The following ANPEP variants were observed in gnomAD, a reference collection of about 807,000 sequenced individuals.
ANPEP encodes alanyl aminopeptidase, membrane.
A neutral mutation model predicts 114.6 loss-of-function variants in ANPEP; 70 were observed. That is an observed-to-expected ratio of 0.61 (90% CI 0.50 to 0.75). The LOEUF is 0.75. Among genes scored for constraint, ANPEP ranks in the 30% least tolerant of loss-of-function variants. The probability of loss-of-function intolerance (pLI) is 0.00; values close to 1 mark genes in which losing one functional copy is unlikely to be tolerated. For missense variants in ANPEP, 1,184 were observed against 1,259.5 expected (o/e 0.94, Z 0.91); for synonymous variants, 548 against 522.3 (o/e 1.05, Z -0.67).
Position 89,806,873 on chromosome 15 carries a change from G to A in ANPEP, c.-223-67C>T, listed in dbSNP as rs957438331. The A allele has an allele frequency of 1.8e-5, 7 of 394,000 alleles. No individual in the cohort carries two copies. The highest frequency in any genetic ancestry group is 2.8e-5 in the Non-Finnish European group (6 of 215,620). 24.4% of individuals were successfully genotyped at this position (394,000 alleles called of 1,614,324 possible). A position where few individuals can be genotyped will look rare whatever the true frequency, so the allele number is the denominator to read the frequency against. On this transcript the variant is annotated intron_variant, in intron 1 of 20. Transcript: ENST00000300060. The surrounding 1 kb of genome is among the most constrained non-coding windows in gnomAD (Gnocchi z 5.7). ...CCTGGGATCAGGCCCGAGGGCTGAAGGGCAGGCTTCCGGCTGTAGGCCCAG... is the reference window on the plus strand; with the variant it reads ...CCTGGGATCAGGCCCGAGGGCTGAAAGGCAGGCTTCCGGCTGTAGGCCCAG...
chr15:89,804,068 C>T, intron 6 of ANPEP, 66 bp from the exon 7 acceptor site: 4 of 1,581,982 alleles, frequency 2.5e-6, no homozygotes, highest in Middle Eastern at 3.3e-4. Context: ...CCCAGAACTA[C>T]CCTCCCCAGG....
intron 2 of ANPEP, among the ~76,000 whole-genome samples, 155 bp from the exon 3 acceptor site, chr15:89,805,618 G>A (rs760470322): frequency 1.7e-4 from 26 of 152,286 alleles, no homozygotes; most frequent in Non-Finnish European, 3.2e-4. Flanking sequence ...GGGAGCCTCC[G>A]GAGCCCTGCC....
chr15:89,804,597 G>A lies in ANPEP; in HGVS notation c.918C>T (p.Pro306=), dbSNP rs1237997925. 6.2e-7 allele frequency: 1 copy of A among 1,613,890 alleles called. No homozygotes were observed. Among genetic ancestry groups the A allele is most frequent in the Non-Finnish European group, 8.5e-7 (1 of 1,179,924 alleles). The stretch of plus-strand genomic sequence containing the variant: ...CGCCGTGGCCCGCCGCAATGGCACT[G>A]GGCCGGGCCCAGATCCGGATCTGCA... ...NGVLIRIWAR[P]SAIAAGHGDY... Residue 306 remains proline (P), a synonymous_variant, in exon 5 of 21, where the codon CCC becomes CCT. Coordinates refer to ENST00000300060, the MANE Select transcript of ANPEP (RefSeq NM_001150.3).
At chr15:89,795,621 G>T (rs971619178) in intron 15 of ANPEP, among the ~76,000 whole-genome samples, 6 of 152,188 alleles carry the variant, frequency 3.9e-5, no homozygotes, top group Admixed American at 2.6e-4. Context: ...GACATCAGTG[G>T]AGCAAGACCT....
At chr15:89,801,782 G>A (rs568329856) in intron 10 of ANPEP, among the ~76,000 whole-genome samples, 175 bp from the exon 11 acceptor site, 1 of 152,318 alleles carries the variant, frequency 6.6e-6, no homozygotes, top group Non-Finnish European at 1.5e-5. Context: ...GCCTCTCCTC[G>A]GCTGCTCAGT....
In ANPEP at chr15:89,803,732, G is replaced by A; in HGVS notation, c.1352C>T (p.Ser451Phe). Residue 451 changes from serine to phenylalanine, a missense_variant, in exon 8 of 21, where the codon TCC becomes TTC. Physicochemically the swap from Ser to Phe is radical, Grantham distance 155. Coordinates refer to ENST00000300060, the MANE Select transcript of ANPEP (RefSeq NM_001150.3). The surrounding 1 kb of genome is among the most constrained non-coding windows in gnomAD (Gnocchi z 4.2). ...GGCGGGTGTGGACAGCGGGTGGGAGGAGGCCAGTGCATCCACTGCCATCAC... is the reference window on the plus strand; with the variant it reads ...GGCGGGTGTGGACAGCGGGTGGGAGAAGGCCAGTGCATCCACTGCCATCAC... ...YRVMAVDALASSHPLSTPASE... is the reference protein window; with the variant it reads ...YRVMAVDALAFSHPLSTPASE... 6.2e-7 allele frequency: 1 copy of A among 1,612,560 alleles called. No homozygotes were observed. The highest frequency in any genetic ancestry group is 8.5e-7 in the Non-Finnish European group (1 of 1,179,026).
chr15:89,796,073 G>T (rs559643149), intron 15 of ANPEP, among the ~76,000 whole-genome samples: 2 of 152,318 alleles, frequency 1.3e-5, no homozygotes, highest in East Asian at 3.9e-4. Context: ...CTCTACAAAA[G>T]AGCATGGTGG....
intron 1 of ANPEP, among the ~76,000 whole-genome samples, chr15:89,810,148 G>T (rs1353164732): frequency 6.6e-6 from 1 of 152,178 alleles, no homozygotes; most frequent in Admixed American, 6.5e-5. Context: ...AGGAGGCTGA[G>T]GTGGGCAGAT....
Position 89,803,280 on chromosome 15 carries a change from G to C in ANPEP, c.1528C>G (p.Gln510Glu). 2 of 1,614,116 alleles carry C rather than the reference G, an allele frequency of 1.2e-6. No homozygotes were observed. Among genetic ancestry groups the C allele is most frequent in the Middle Eastern group, 1.7e-4 (1 of 6,060 alleles). ...CACAGGTTCAGGTAGATGGTGTTCT[G>C]GTAGGCAAAGGTGTGGAGGTAGGAC... ...LASYLHTFAY[Q>E]NTIYLNLWDH... The change falls in exon 10 of 21, where the codon CAG becomes GAG. Residue 510 changes from glutamine to glutamate, a missense_variant. By Grantham distance (29) the Gln-to-Glu change is conservative. Coordinates refer to ENST00000300060, the MANE Select transcript of ANPEP (RefSeq NM_001150.3). This position sits in a 1 kb window ranked among gnomAD's most constrained non-coding sequence, Gnocchi z 4.2.
Position 89,799,484 on chromosome 15 carries a change from A to C in ANPEP, c.1895T>G (p.Val632Gly). 1 of 1,614,046 alleles carries C rather than the reference A, an allele frequency of 6.2e-7. No individual in the cohort carries two copies. Among genetic ancestry groups the C allele is most frequent in the Non-Finnish European group, 8.5e-7 (1 of 1,180,012 alleles). The change falls in exon 13 of 21, where the codon GTG becomes GGG. Residue 632 changes from valine (V) to glycine (G), a missense_variant. By Grantham distance (109) the Val-to-Gly change is moderately radical (BLOSUM62 -3). Transcript: ENST00000300060. The surrounding 1 kb of genome is among the most constrained non-coding windows in gnomAD (Gnocchi z 4.2). ...LNLNVTGYYR[V>G]NYDEENWRKI... ...CCTCCAGTTCTCTTCGTCGTAGTTC[A>C]CCCGGTAATAGCCCGTCACATTGAG...
At position 89,790,953 on chromosome 15, in the gene ANPEP, T is replaced by G. The variant is rs1468503079; in HGVS notation, c.2669A>C (p.Asp890Ala). Reference protein sequence around the residue: ...VQSNWKKLFNDYGGGSFSFSN... With the variant: ...VQSNWKKLFNAYGGGSFSFSN... ...CCTGACACCCATTCCACAGACTCAC[T>G]CGTTAAAAAGCTTCTTCCAGTTGCT... The change falls in exon 19 of 21, where the codon GAT becomes GCT. Residue 890 changes from aspartate (D) to alanine (A), a missense_variant and splice_region_variant. Coordinates refer to ENST00000300060, the MANE Select transcript of ANPEP (RefSeq NM_001150.3). The G allele has an allele frequency of 1.9e-6, 3 of 1,613,822 alleles. No individual in the cohort carries two copies. The highest frequency in any genetic ancestry group is 2.5e-6 in the Non-Finnish European group (3 of 1,179,850).
rs142096545 is a variant in ANPEP, at chr15:89,810,361, G to A, written c.-223-3555C>T. On this transcript the variant is annotated intron_variant, in intron 1 of 20. Transcript: ENST00000300060. Reference sequence around the variant, plus strand: ...GCCACTGTACTCCAGCCTGGGGGACGGTGTAAGACTCTGTCTCAAAAAATA... The same window carrying A: ...GCCACTGTACTCCAGCCTGGGGGACAGTGTAAGACTCTGTCTCAAAAAATA... Among the ~76,000 whole-genome samples, 214 of 151,210 alleles carry A rather than the reference G, an allele frequency of 1.4e-3. 1 individual carries two copies. Among genetic ancestry groups the A allele is most frequent in the African/African-American group, 4.7e-3 (195 of 41,150 alleles).
rs1012272090 is a variant in ANPEP, at chr15:89,785,222, G to A, written c.*127C>T. The A allele has an allele frequency of 3.1e-6, 4 of 1,274,812 alleles. No individual in the cohort carries two copies. The South Asian group carries it at 5.5e-5, about 18-fold the overall frequency. The allele number at this position is 1,274,812 out of a possible 1,614,324, so 79.0% of individuals were successfully genotyped here. On this transcript the variant is annotated 3_prime_UTR_variant, in exon 21 of 21. Coordinates refer to ENST00000300060, the MANE Select transcript of ANPEP (RefSeq NM_001150.3). Reference sequence around the variant, plus strand: ...TCACAGGCAGAGAGAACGTGGGCTGGAGACTTTGTCCTTGAGGGGAGGACA... The same window carrying A: ...TCACAGGCAGAGAGAACGTGGGCTGAAGACTTTGTCCTTGAGGGGAGGACA...
intron 20 of ANPEP, among the ~76,000 whole-genome samples, chr15:89,790,013 C>G (rs1328573669): frequency 2.0e-5 from 3 of 148,622 alleles, no homozygotes; most frequent in Non-Finnish European, 4.4e-5. Context: ...GAGCCCAGAT[C>G]GCACCACTGC....
chr15:89,794,432 C>A (rs1968690387), intron 15 of ANPEP, among the ~76,000 whole-genome samples: 2 of 151,924 alleles, frequency 1.3e-5, no homozygotes, highest in Non-Finnish European at 2.9e-5. Flanking sequence ...TGAAGTGAGC[C>A]AAGATCGGGC....
rs1467620028 is a variant in ANPEP at position 89,793,121 on chromosome 15, G to A, written c.2163C>T (p.Tyr721=). The A allele has an allele frequency of 1.2e-6, 2 of 1,613,270 alleles. No homozygotes were observed. The highest frequency in any genetic ancestry group is 8.5e-7 in the Non-Finnish European group (1 of 1,179,240). The change falls in exon 16 of 21, where the codon TAC becomes TAT. Residue 721 remains tyrosine (Y), a synonymous_variant. Coordinates refer to ENST00000300060, the MANE Select transcript of ANPEP (RefSeq NM_001150.3). ...RSEVYGPMKN[Y]LKKQVTPLFI... is the part of the protein sequence containing the mutation. The stretch of plus-strand genomic sequence containing the variant: ...AGAGGGGTGTGACCTGCTTCTTCAG[G>A]TAGTTCTGGGGAAAAGAAAATATGA...
chr15:89,786,857 A>T (rs1235420621), intron 20 of ANPEP, among the ~76,000 whole-genome samples: 1 of 152,064 alleles, frequency 6.6e-6, no homozygotes, highest in African/African-American at 2.4e-5. Context: ...CCGTCAATTG[A>T]TTTTCAACTA....
intron 19 of ANPEP, 94 bp downstream of exon 19, chr15:89,790,859 G>C (rs1481396883): frequency 1.3e-6 from 2 of 1,493,646 alleles, no homozygotes; most frequent in African/African-American, 2.8e-5. Context: ...TCCACTTCTG[G>C]TTAGTGCCCC....
At chr15:89,786,502 G>A (rs998572248) in intron 20 of ANPEP, among the ~76,000 whole-genome samples, 2 of 151,410 alleles carry the variant, frequency 1.3e-5, no homozygotes, top group Non-Finnish European at 2.9e-5. Context: ...GCCAGCCTGG[G>A]CAAGATGGTG....
Sources: gnomAD v4.1 joint callset for allele counts (sites outside exome capture counted in the v4.1 genomes callset) on GRCh38, gnomAD v4.1.1 for gene constraint, Gnocchi (gnomAD v3.1) non-coding constraint, MANE v1.5 for transcripts, NCBI Gene and HGNC (gene_info 2026-07-23, HGNC 2026-07-21) for gene names.